The following NRG1 variants were observed in gnomAD, a reference collection of about 807,000 sequenced individuals.
The protein encoded by NRG1 is neuregulin 1, also known as pro-neuregulin-1, membrane-bound isoform.
NRG1 carries 18 observed loss-of-function variants against 63.8 expected under a neutral mutation model. The ratio of observed to expected loss-of-function variants is 0.28; its 90% CI spans 0.19 to 0.42. NRG1 has a LOEUF of 0.42. Among genes scored for constraint, NRG1 ranks in the 10% least tolerant of loss-of-function variants. NRG1 has a pLI of 1.00. For synonymous variants in NRG1, 302 were observed against 301.3 expected (o/e 1.00, Z -0.02); for missense variants, 762 against 814.7 (o/e 0.94, Z 0.79).
rs201374102 is a variant in NRG1, at chr8:32,607,469, CTGAG to C, written c.400+1789_400+1792del. Among the ~76,000 whole-genome samples the C allele has an allele frequency of 6.9e-3, 1,057 of 152,254 alleles. 14 individuals carry two copies. Among genetic ancestry groups the C allele is most frequent in the African/African-American group, 0.024 (987 of 41,544 alleles). On this transcript the variant is annotated intron_variant, in intron 3 of 11. Coordinates refer to ENST00000356819, the Ensembl canonical transcript of NRG1. ...AATTAAAGCTAGTGTCATAGTCTCA[CTGAG>C]TGTCTACAGAAGTATCATATTGATT...
intron 1 of NRG1, among the ~76,000 whole-genome samples, chr8:31,976,626 G>C (rs1808223017): frequency 6.6e-6 from 1 of 151,962 alleles, no homozygotes; most frequent in African/African-American, 2.4e-5. Context: ...TTCACTTTGT[G>C]AGATTGCTAG....
chr8:32,649,949 G>A (rs1241128112), intron 5 of NRG1, among the ~76,000 whole-genome samples: 2 of 152,134 alleles, frequency 1.3e-5, no homozygotes, highest in African/African-American at 4.8e-5. Flanking sequence ...GGAGGACAAG[G>A]TTACTTGATC....
chr8:32,678,484 G>A (rs1029479179), intron 5 of NRG1, among the ~76,000 whole-genome samples: 5 of 151,906 alleles, frequency 3.3e-5, no homozygotes, highest in African/African-American at 7.3e-5. Context: ...TGTAGGAAAT[G>A]ACTAGTGTTG....
rs1334217247 is a variant in NRG1 at position 32,171,689 on chromosome 8, A to G, written c.38-424139A>G. On this transcript the variant is annotated intron_variant, in intron 1 of 10. Transcript: ENST00000519301. ...CAAAGGTCTTAGCAAACGGCACACCAGGAGATTATATCCCACGCATGGCTT... is the reference window on the plus strand; with the variant it reads ...CAAAGGTCTTAGCAAACGGCACACCGGGAGATTATATCCCACGCATGGCTT... Among the ~76,000 whole-genome samples, 38 of 152,186 alleles carry G rather than the reference A, an allele frequency of 2.5e-4. 1 individual carries two copies. The highest frequency in any genetic ancestry group is 2.5e-3 in the Admixed American group (38 of 15,278).
chr8:32,327,555 G>A (rs1802155340), intron 1 of NRG1, among the ~76,000 whole-genome samples: 1 of 152,224 alleles, frequency 6.6e-6, no homozygotes, highest in African/African-American at 2.4e-5. Context: ...AGGATCTGAA[G>A]ATTGTCCCAT....
At chr8:31,683,126 GAGAA>G (rs1333637966) in intron 1 of NRG1, among the ~76,000 whole-genome samples, 7 of 152,138 alleles carry the variant, frequency 4.6e-5, no homozygotes, top group African/African-American at 1.7e-4. Flanking sequence ...CCTGGGCTAA[GAGAA>G]AGGAAGGAGG....
At chr8:31,828,225 C>A (rs1210104801) in intron 1 of NRG1, among the ~76,000 whole-genome samples, 1 of 152,112 alleles carries the variant, frequency 6.6e-6, no homozygotes, top group Non-Finnish European at 1.5e-5. Context: ...ATGTGTTTGT[C>A]CTGTAGAATT....
chr8:32,093,982 C>T (rs909460963), intron 1 of NRG1, among the ~76,000 whole-genome samples: 1 of 152,142 alleles, frequency 6.6e-6, no homozygotes, highest in Non-Finnish European at 1.5e-5. Flanking sequence ...GAGCTTCCCT[C>T]TTATTGGCTG....
At chr8:32,231,706 GC>G (rs1311774521) in intron 1 of NRG1, among the ~76,000 whole-genome samples, 41 of 151,898 alleles carry the variant, frequency 2.7e-4, no homozygotes, top group Admixed American at 6.6e-5. Flanking sequence ...TTCAAGACCA[GC>G]CTGACCAATA....
chr8:32,727,008 A>ATTGTGT (rs1822373521), intron 5 of NRG1, among the ~76,000 whole-genome samples: 1 of 151,962 alleles, frequency 6.6e-6, no homozygotes, highest in Non-Finnish European at 1.5e-5. Flanking sequence ...ATTGATAAAC[A>ATTGTGT]TTGTGTATAT....
At chr8:31,811,502 G>A (rs1029078188) in intron 1 of NRG1, among the ~76,000 whole-genome samples, 4 of 152,058 alleles carry the variant, frequency 2.6e-5, no homozygotes, top group African/African-American at 7.2e-5. Context: ...AAGATTTGGC[G>A]TACAGGGAAA....
At chr8:31,847,376 CAATA>C (rs928730899) in intron 1 of NRG1, among the ~76,000 whole-genome samples, 2 of 152,004 alleles carry the variant, frequency 1.3e-5, no homozygotes, top group Non-Finnish European at 2.9e-5. Context: ...TCCATTCATT[CAATA>C]AATATTTACT....
chr8:32,046,659 T>G (rs1336348405), intron 1 of NRG1, among the ~76,000 whole-genome samples: 1 of 152,032 alleles, frequency 6.6e-6, no homozygotes, highest in African/African-American at 2.4e-5. Context: ...TTCAAAGGCA[T>G]TATACAGAAT....
chr8:31,742,022 A>G (rs1375428995), intron 1 of NRG1, among the ~76,000 whole-genome samples: 1 of 152,052 alleles, frequency 6.6e-6, no homozygotes, highest in Non-Finnish European at 1.5e-5. Flanking sequence ...GTTAAAAATA[A>G]CTGTAATGCA....
intron 1 of NRG1, among the ~76,000 whole-genome samples, chr8:32,127,532 T>A (rs1402411142): frequency 7.0e-6 from 1 of 143,682 alleles, no homozygotes; most frequent in East Asian, 2.0e-4. Flanking sequence ...TCTGCACGTG[T>A]GTGTGTGTGT....
intron 1 of NRG1, among the ~76,000 whole-genome samples, chr8:31,875,547 C>A (rs1411030903): frequency 6.6e-6 from 1 of 152,150 alleles, no homozygotes; most frequent in African/African-American, 2.4e-5. Context: ...TGCCTCAGCA[C>A]GGAGATCATG....
chr8:32,300,405 G>T (rs1446611583), intron 1 of NRG1, among the ~76,000 whole-genome samples: 3 of 152,116 alleles, frequency 2.0e-5, no homozygotes, highest in African/African-American at 7.2e-5. Flanking sequence ...TACTATAACT[G>T]CTTCCATCAG....
chr8:32,632,262 C>T (rs1035681172), intron 5 of NRG1, among the ~76,000 whole-genome samples: 1 of 152,038 alleles, frequency 6.6e-6, no homozygotes, highest in East Asian at 1.9e-4. Context: ...CTTAATTGGA[C>T]ATGTCACTGG....
chr8:32,014,486 G>C (rs1352976666), intron 1 of NRG1, among the ~76,000 whole-genome samples: 1 of 152,072 alleles, frequency 6.6e-6, no homozygotes, highest in Non-Finnish European at 1.5e-5. Context: ...AAAAATGCTT[G>C]ATCTGGTAAG....
Sources: gnomAD v4.1 joint callset for allele counts (sites outside exome capture counted in the v4.1 genomes callset) on GRCh38, gnomAD v4.1.1 for gene constraint, MANE v1.5 for transcripts, NCBI Gene and HGNC (gene_info 2026-07-23, HGNC 2026-07-21) for gene names.